TIAM1: variants seen among roughly 807,000 people sequenced by gnomAD.
The protein encoded by TIAM1 is TIAM Rac1 associated GEF 1, also known as rho guanine nucleotide exchange factor TIAM1.
Under a neutral mutation model 163.5 loss-of-function variants are expected in TIAM1, and 65 were observed. The observed-to-expected ratio is 0.40, with a 90% CI of 0.33 to 0.49. The LOEUF is 0.49. TIAM1 is among the 20% of genes least tolerant of loss of function. TIAM1 has a pLI of 0.77. For missense variants in TIAM1, 1,789 were observed against 2,044.7 expected, an observed-to-expected ratio of 0.87 and a Z score of 2.41; for synonymous variants, 833 against 810.1, an observed-to-expected ratio of 1.03 and a Z score of -0.48.
intron 19 of TIAM1, among the ~76,000 whole-genome samples, 171 bp from the exon 20 acceptor site, chr21:31,147,174 G>A (rs1361759697): frequency 1.3e-5 from 2 of 152,134 alleles, no homozygotes; most frequent in East Asian, 1.9e-4. Context: ...CCATTACAAA[G>A]TATGTGCTTG....
intron 2 of TIAM1, among the ~76,000 whole-genome samples, chr21:31,439,334 G>C (rs1284900802): frequency 6.6e-6 from 1 of 152,226 alleles, no homozygotes; most frequent in Non-Finnish European, 1.5e-5. Flanking sequence ...CTGTCGCCCA[G>C]GCTGGAGTGC....
In TIAM1 at chr21:31,252,053, C is replaced by T; in HGVS notation, c.1100G>A (p.Gly367Asp). The T allele has an allele frequency of 6.2e-7, 1 of 1,614,078 alleles. No individual in the cohort carries two copies. The highest frequency in any genetic ancestry group is 1.1e-5 in the South Asian group (1 of 91,080). ...GGTGGAGCTGCTGCCGCTGTCGCTGCCCACAAAGGCCCGGCCTGTGGTGGG... is the reference window on the plus strand; with the variant it reads ...GGTGGAGCTGCTGCCGCTGTCGCTGTCCACAAAGGCCCGGCCTGTGGTGGG... ...YSPTTGRAFVGSDSGSSSTGD... is the reference protein window; with the variant it reads ...YSPTTGRAFVDSDSGSSSTGD... Residue 367 changes from glycine to aspartate, a missense_variant, in exon 5 of 28, where the codon GGC (glycine) becomes GAC (aspartate). By Grantham distance (94) the Gly-to-Asp change is moderately conservative (BLOSUM62 -1). This residue lies in a region of TIAM1 where 555 missense variants were observed against 564.9 expected (regional missense o/e 0.98). Coordinates refer to ENST00000541036, the MANE Select transcript of TIAM1 (RefSeq NM_001353694.2).
intron 19 of TIAM1, among the ~76,000 whole-genome samples, chr21:31,150,002 C>T (rs2083302949): frequency 6.6e-6 from 1 of 152,068 alleles, no homozygotes; most frequent in Non-Finnish European, 1.5e-5. Context: ...ACCATACATG[C>T]ATAATGTACA....
At chr21:31,425,685 CT>C (rs1178218234) in intron 2 of TIAM1, among the ~76,000 whole-genome samples, 6 of 124,182 alleles carry the variant, frequency 4.8e-5, no homozygotes, top group Non-Finnish European at 9.7e-5. Flanking sequence ...TTCTCTCTCT[CT>C]CTTTCTTTCT....
At position 31,487,537 on chromosome 21, in the gene TIAM1, ATTT is replaced by A. The variant is rs552146138; in HGVS notation, c.-421-23505_-421-23503del. ...AGGTGGCCGCCACCATGCCCAGCTA[ATTT>A]TTTTTTTTTTTGTATTTTTTTTTTT... On this transcript the variant is annotated intron_variant, in intron 1 of 28. Transcript: ENST00000286827. Among the ~76,000 whole-genome samples the A allele has an allele frequency of 2.5e-3, 314 of 124,002 alleles. 8 individuals are homozygous for A. The highest frequency in any genetic ancestry group is 8.6e-3 in the Middle Eastern group (2 of 232). The allele number at this position is 124,002 out of a possible 152,430, so 81.4% of individuals were successfully genotyped here. A position where few individuals can be genotyped will look rare whatever the true frequency, so the allele number is the denominator to read the frequency against.
At chr21:31,132,558 CAATGACTCT>C (rs973205222) in intron 23 of TIAM1, among the ~76,000 whole-genome samples, 1 of 152,150 alleles carries the variant, frequency 6.6e-6, no homozygotes. Context: ...AGCTCTACCC[CAATGACTCT>C]AATCTCAGAA....
At chr21:31,382,260 C>T (rs1018105842) in intron 2 of TIAM1, among the ~76,000 whole-genome samples, 1 of 152,110 alleles carries the variant, frequency 6.6e-6, no homozygotes, top group African/African-American at 2.4e-5. Flanking sequence ...ACTGTATATC[C>T]GTATGAAAAA....
At chr21:31,393,069 C>T (rs747981843) in intron 2 of TIAM1, among the ~76,000 whole-genome samples, 3 of 151,898 alleles carry the variant, frequency 2.0e-5, no homozygotes, top group Non-Finnish European at 2.9e-5. Flanking sequence ...AATTCTCATG[C>T]CTCAGCCTCC....
At chr21:31,215,099 T>A (rs1326984642) in intron 9 of TIAM1, among the ~76,000 whole-genome samples, 1 of 152,148 alleles carries the variant, frequency 6.6e-6, no homozygotes, top group Non-Finnish European at 1.5e-5. Flanking sequence ...TAAAACATTC[T>A]CTTGAATTCA....
chr21:31,242,860 CAAAA>C (rs11417948), intron 6 of TIAM1, among the ~76,000 whole-genome samples: 2 of 95,094 alleles, frequency 2.1e-5, no homozygotes, highest in Admixed American at 1.2e-4. Context: ...GACTCTGTCT[CAAAA>C]AAAAAAAAAA....
chr21:31,524,575 T>C (rs1161121084), intron 1 of TIAM1, among the ~76,000 whole-genome samples: 3 of 152,214 alleles, frequency 2.0e-5, no homozygotes, highest in Non-Finnish European at 4.4e-5. Context: ...GGTGAAGGGT[T>C]TGATCCTGAG....
intron 4 of TIAM1, among the ~76,000 whole-genome samples, chr21:31,263,470 T>TAA (rs1163260851): frequency 5.9e-5 from 9 of 152,192 alleles, no homozygotes; most frequent in African/African-American, 2.2e-4. Context: ...TTCACAATTT[T>TAA]AGAAGGTGAC....
chr21:31,345,460 A>G (rs2076130637), upstream of TIAM1, among the ~76,000 whole-genome samples: 1 of 149,650 alleles, frequency 6.7e-6, no homozygotes, highest in South Asian at 2.1e-4. Flanking sequence ...TATATTTTAT[A>G]TATATTCATA....
intron 2 of TIAM1, among the ~76,000 whole-genome samples, chr21:31,430,245 TATACAC>T (rs1310610440): frequency 3.0e-4 from 38 of 128,162 alleles, no homozygotes; most frequent in African/African-American, 1.1e-3. Context: ...TATATATATA[TATACAC>T]ACACACACAC....
intron 4 of TIAM1, among the ~76,000 whole-genome samples, chr21:31,263,951 G>A (rs539846273): frequency 5.3e-5 from 8 of 152,078 alleles, no homozygotes; most frequent in Non-Finnish European, 1.2e-4. Context: ...AGTAGCCCTC[G>A]CAGGGTAGAC....
chr21:31,355,474 C>T (rs1602081121), intron 2 of TIAM1, among the ~76,000 whole-genome samples: 1 of 152,188 alleles, frequency 6.6e-6, no homozygotes, highest in African/African-American at 2.4e-5. Context: ...ACCTCCACCC[C>T]TCATCCCTGG....
chr21:31,372,689 GGCTGGGTAGGTGGCTTACA>G (rs2076615986), intron 2 of TIAM1, among the ~76,000 whole-genome samples: 1 of 152,156 alleles, frequency 6.6e-6, no homozygotes, highest in African/African-American at 2.4e-5. Flanking sequence ...ATACAAAACT[GGCTGGGTAGGTGGCTTACA>G]CCTGTAATCC....
At chr21:31,339,835 A>C (rs2075962995) in intron 1 of TIAM1, among the ~76,000 whole-genome samples, 1 of 152,202 alleles carries the variant, frequency 6.6e-6, no homozygotes, top group Non-Finnish European at 1.5e-5. Flanking sequence ...TTACCAATGA[A>C]AGCCATGCTA....
At chr21:31,292,371 CTTTTTTTT>C (rs763364996) in intron 2 of TIAM1, among the ~76,000 whole-genome samples, 38 of 138,830 alleles carry the variant, frequency 2.7e-4, no homozygotes, top group African/African-American at 9.8e-4. Context: ...TTTCAATTTC[CTTTTTTTT>C]TTTTTTTTGA....
Sources: allele counts gnomAD v4.1 joint callset (sites outside exome capture counted in the v4.1 genomes callset), GRCh38; gene constraint gnomAD v4.1.1; regional missense constraint gnomAD v4.1.1; transcripts MANE v1.5; gene names NCBI Gene and HGNC (gene_info 2026-07-23, HGNC 2026-07-21).